Variants in EFNA5 observed in about 807,000 individuals in gnomAD.
EFNA5 encodes ephrin A5, also known as ephrin-A5.
Under a neutral mutation model 22.9 loss-of-function variants are expected in EFNA5, and 5 were observed. The ratio of observed to expected loss-of-function variants is 0.22; its 90% CI spans 0.11 to 0.46. EFNA5 has a LOEUF of 0.46. Ranked by LOEUF, EFNA5 falls within the 20% of genes least tolerant of loss-of-function variation. The probability of loss-of-function intolerance (pLI) is 0.99; values close to 1 mark genes in which losing one functional copy is unlikely to be tolerated. For synonymous variants in EFNA5, 113 were observed against 112.2 expected (o/e 1.01, Z -0.04); for missense variants, 237 against 293.3 (o/e 0.81, Z 1.40).
At chr5:107,613,240 T>C (rs1444072668) in intron 1 of EFNA5, among the ~76,000 whole-genome samples, 1 of 152,112 alleles carries the variant, frequency 6.6e-6, no homozygotes, top group Non-Finnish European at 1.5e-5. Flanking sequence ...AAAAATAAAA[T>C]CTCAAGTGTT....
chr5:107,563,209 T>C (rs1304647060), intron 1 of EFNA5, among the ~76,000 whole-genome samples: 1 of 152,182 alleles, frequency 6.6e-6, no homozygotes, highest in African/African-American at 2.4e-5. Flanking sequence ...CACTCTTATT[T>C]GCTATTTTTG....
At chr5:107,405,900 TTATA>T (rs1748197860) in intron 2 of EFNA5, among the ~76,000 whole-genome samples, 1 of 147,890 alleles carries the variant, frequency 6.8e-6, no homozygotes, top group Non-Finnish European at 1.5e-5. Flanking sequence ...TTCTATGTAT[TTATA>T]TACATAGAAT....
intron 1 of EFNA5, among the ~76,000 whole-genome samples, chr5:107,470,986 T>A (rs1750124175): frequency 6.6e-6 from 1 of 152,172 alleles, no homozygotes; most frequent in Non-Finnish European, 1.5e-5. Context: ...CCTTCTCAGA[T>A]CTCTCAGAAC....
chr5:107,669,573 T>A (rs1285853257), intron 1 of EFNA5, among the ~76,000 whole-genome samples: 1 of 151,932 alleles, frequency 6.6e-6, no homozygotes, highest in East Asian at 2.0e-4. Flanking sequence ...ACGGGACGTC[T>A]GCGACTGGCC....
At chr5:107,444,982 T>C (rs1184940148) in intron 1 of EFNA5, among the ~76,000 whole-genome samples, 1 of 152,160 alleles carries the variant, frequency 6.6e-6, no homozygotes, top group Non-Finnish European at 1.5e-5. Flanking sequence ...TTAAGTGACA[T>C]AAAAGCTGAT....
At chr5:107,585,101 C>A (rs1030618802) in intron 1 of EFNA5, among the ~76,000 whole-genome samples, 5 of 152,200 alleles carry the variant, frequency 3.3e-5, no homozygotes, top group Non-Finnish European at 7.3e-5. Flanking sequence ...GTATGGAAAT[C>A]TACCCTGGGA....
chr5:107,546,399 T>C (rs1361427208), intron 1 of EFNA5, among the ~76,000 whole-genome samples: 1 of 152,188 alleles, frequency 6.6e-6, no homozygotes, highest in Non-Finnish European at 1.5e-5. Flanking sequence ...GCACCTTTCA[T>C]AAGCAAGACA....
chr5:107,475,041 A>G lies in EFNA5; in HGVS notation c.126-47532T>C, dbSNP rs542256931. 2.0e-5 allele frequency among the ~76,000 whole-genome samples: 3 copies of G among 152,312 alleles called. No individual in the cohort carries two copies. The East Asian group carries it at 5.8e-4, about 29-fold the overall frequency. ...CTGTGCTTTACTAAACAAACTTCTGAGCTAAGATGTTTACTTGACTGGGAA... is the reference window on the plus strand; with the variant it reads ...CTGTGCTTTACTAAACAAACTTCTGGGCTAAGATGTTTACTTGACTGGGAA... On this transcript the variant is annotated intron_variant, in intron 1 of 4. Coordinates refer to ENST00000333274, the MANE Select transcript of EFNA5 (RefSeq NM_001962.3).
Position 107,466,000 on chromosome 5 carries a change from T to C in EFNA5, c.126-38491A>G, listed in dbSNP as rs141361661. ...GTATCTCATTTTCAGCTCTCACTCA[T>C]AGGAGAAAGTCGGGAGCAGGAGGAG... On this transcript the variant is annotated intron_variant, in intron 1 of 4. Coordinates refer to ENST00000333274, the MANE Select transcript of EFNA5 (RefSeq NM_001962.3). Among the ~76,000 whole-genome samples, 170 of 152,206 alleles carry C rather than the reference T, an allele frequency of 1.1e-3. 1 individual carries two copies. Among genetic ancestry groups the C allele is most frequent in the African/African-American group, 4.0e-3 (165 of 41,544 alleles).
Position 107,381,148 on chromosome 5 carries a change from C to G in EFNA5, c.*107G>C. On this transcript the variant is annotated 3_prime_UTR_variant, in exon 5 of 5. Coordinates refer to ENST00000333274, the MANE Select transcript of EFNA5 (RefSeq NM_001962.3). ...AAGAAAGAAAACAAAAATCTGACAT[C>G]TGCCAAAACCCAATAACAAGTCCCT... 7.0e-7 allele frequency: 1 copy of G among 1,421,644 alleles called. No individual in the cohort carries two copies. Among genetic ancestry groups the G allele is most frequent in the East Asian group, 2.4e-5 (1 of 41,644 alleles). 88.1% of individuals were successfully genotyped at this position (1,421,644 alleles called of 1,614,324 possible).
chr5:107,664,371 CA>C (rs781367879), intron 1 of EFNA5, among the ~76,000 whole-genome samples: 13 of 152,040 alleles, frequency 8.6e-5, no homozygotes, highest in Non-Finnish European at 1.6e-4. Flanking sequence ...TAAATGCAGA[CA>C]AATTTAAGAG....
intron 1 of EFNA5, among the ~76,000 whole-genome samples, chr5:107,555,786 C>T (rs1748397764): frequency 2.0e-5 from 3 of 152,300 alleles, no homozygotes; most frequent in South Asian, 2.1e-4. Context: ...CTGCAAATCT[C>T]CATTTCAAGA....
intron 1 of EFNA5, among the ~76,000 whole-genome samples, chr5:107,459,544 A>C (rs1395464794): frequency 6.6e-6 from 1 of 152,142 alleles, no homozygotes; most frequent in Non-Finnish European, 1.5e-5. Flanking sequence ...TAACATTGCC[A>C]AGTTCATTAA....
chr5:107,457,199 G>A (rs189894185), intron 1 of EFNA5, among the ~76,000 whole-genome samples: 150 of 152,144 alleles, frequency 9.9e-4, no homozygotes, highest in Admixed American at 4.8e-3. Context: ...TATACAACTC[G>A]CACAATGTTT....
intron 1 of EFNA5, among the ~76,000 whole-genome samples, chr5:107,609,909 T>C (rs1186481081): frequency 6.6e-6 from 1 of 151,852 alleles, no homozygotes; most frequent in African/African-American, 2.4e-5. Context: ...GGTGGAAGAG[T>C]CTGAATCAGT....
At chr5:107,459,062 T>G (rs1749769564) in intron 1 of EFNA5, among the ~76,000 whole-genome samples, 1 of 152,172 alleles carries the variant, frequency 6.6e-6, no homozygotes, top group East Asian at 1.9e-4. Context: ...ATTTCTTCCT[T>G]CAAATTTACG....
intron 2 of EFNA5, among the ~76,000 whole-genome samples, chr5:107,405,424 A>C (rs1026191350): frequency 6.6e-6 from 1 of 152,250 alleles, no homozygotes; most frequent in African/African-American, 2.4e-5. Flanking sequence ...AAAGTAACAG[A>C]TGCAGCAGAT....
intron 1 of EFNA5, among the ~76,000 whole-genome samples, chr5:107,507,294 T>C (rs562807506): frequency 2.8e-4 from 42 of 152,206 alleles, no homozygotes; most frequent in Non-Finnish European, 5.0e-4. Flanking sequence ...ACAAATCTCA[T>C]CTCCTAACTA....
chr5:107,407,740 T>C (rs1207154381), intron 2 of EFNA5, among the ~76,000 whole-genome samples: 1 of 152,210 alleles, frequency 6.6e-6, no homozygotes, highest in African/African-American at 2.4e-5. Flanking sequence ...TTCTTTAGAG[T>C]GCACGCAAAA....
Sources: gnomAD v4.1 joint callset for allele counts (sites outside exome capture counted in the v4.1 genomes callset) on GRCh38, gnomAD v4.1.1 for gene constraint, MANE v1.5 for transcripts, NCBI Gene and HGNC (gene_info 2026-07-23, HGNC 2026-07-21) for gene names.